CREB5: variants seen among roughly 807,000 people sequenced by gnomAD.
The protein encoded by CREB5 is cyclic AMP-responsive element-binding protein 5.
CREB5 carries 19 observed loss-of-function variants against 57.1 expected under a neutral mutation model. The observed-to-expected ratio is 0.33, with a 90% CI of 0.23 to 0.49. The LOEUF is 0.49. CREB5 is among the 20% of genes least tolerant of loss of function. The pLI is 0.99. For missense variants in CREB5, 579 were observed against 671.6 expected (o/e 0.86, Z 1.52); for synonymous variants, 238 against 238.3 (o/e 1.00, Z 0.01).
chr7:28,522,384 C>T (rs962994678), intron 4 of CREB5, among the ~76,000 whole-genome samples: 1 of 140,710 alleles, frequency 7.1e-6, no homozygotes, highest in East Asian at 2.1e-4. Context: ...CTATATCCTG[C>T]TCTTTGTTTT....
At chr7:28,628,505 A>G (rs1028234819) in intron 5 of CREB5, among the ~76,000 whole-genome samples, 2 of 152,126 alleles carry the variant, frequency 1.3e-5, no homozygotes, top group South Asian at 4.1e-4. Context: ...AGCCCAGGGG[A>G]CAAGACATAG....
At chr7:28,404,391 C>T (rs1787535439) in intron 1 of CREB5, among the ~76,000 whole-genome samples, 1 of 152,142 alleles carries the variant, frequency 6.6e-6, no homozygotes, top group Non-Finnish European at 1.5e-5. Context: ...AGCCTCACCT[C>T]TCCTCTCCCA....
chr7:28,773,424 C>G (rs1806445793), intron 7 of CREB5, among the ~76,000 whole-genome samples: 1 of 152,124 alleles, frequency 6.6e-6, no homozygotes, highest in African/African-American at 2.4e-5. Flanking sequence ...TTAATTAAAG[C>G]TTTTAATAAC....
intron 7 of CREB5, among the ~76,000 whole-genome samples, chr7:28,792,021 T>C (rs1201870041): frequency 6.6e-6 from 1 of 152,112 alleles, no homozygotes; most frequent in African/African-American, 2.4e-5. Context: ...ATGTGCCAAA[T>C]AGGATGGGTG....
At chr7:28,502,647 T>C (rs1223017377) in intron 3 of CREB5, among the ~76,000 whole-genome samples, 3 of 152,262 alleles carry the variant, frequency 2.0e-5, no homozygotes, top group African/African-American at 7.2e-5. Context: ...CTTTTTATAG[T>C]ATTTCTAGCC....
At chr7:28,665,661 A>G (rs1799796818) in intron 5 of CREB5, among the ~76,000 whole-genome samples, 1 of 152,170 alleles carries the variant, frequency 6.6e-6, no homozygotes, top group South Asian at 2.1e-4. Flanking sequence ...ATATAGGGGG[A>G]ACATGGCTTG....
In CREB5 at chr7:28,763,168, AT is replaced by A. The variant is rs535629818; in HGVS notation, c.702+38838del. On this transcript the variant is annotated intron_variant, in intron 7 of 10. Coordinates refer to ENST00000357727, the MANE Select transcript of CREB5 (RefSeq NM_182898.4). The stretch of plus-strand genomic sequence containing the variant: ...TCCTGTGAGTTTCTCCTGATTTTCT[AT>A]TCCACTCTTTCTTTAATATAAAAAC... Among the ~76,000 whole-genome samples, 566 of 152,268 alleles carry A rather than the reference AT, an allele frequency of 3.7e-3. 2 individuals are homozygous for A. Among genetic ancestry groups the A allele is most frequent in the Non-Finnish European group, 5.6e-3 (382 of 68,026 alleles).
At chr7:28,422,627 G>A (rs1788318184) in intron 1 of CREB5, among the ~76,000 whole-genome samples, 1 of 152,106 alleles carries the variant, frequency 6.6e-6, no homozygotes, top group Non-Finnish European at 1.5e-5. Context: ...ATGGTTATAT[G>A]GACACATAAA....
At chr7:28,643,531 C>T (rs1382936498) in intron 5 of CREB5, among the ~76,000 whole-genome samples, 3 of 152,142 alleles carry the variant, frequency 2.0e-5, no homozygotes, top group African/African-American at 2.4e-5. Flanking sequence ...TTAAATGGAA[C>T]TATGTGACCT....
chr7:28,434,808 A>T (rs1286504507), intron 1 of CREB5, among the ~76,000 whole-genome samples: 3 of 152,140 alleles, frequency 2.0e-5, no homozygotes, highest in African/African-American at 7.2e-5. Flanking sequence ...TTTATTGTGC[A>T]ATTCTAAGTT....
At chr7:28,348,442 A>G (rs1295148232) in intron 1 of CREB5, among the ~76,000 whole-genome samples, 2 of 144,226 alleles carry the variant, frequency 1.4e-5, no homozygotes, top group East Asian at 2.0e-4. Context: ...ACACACACAC[A>G]CAGACACCTT....
At chr7:28,682,017 C>A (rs1379156737) in intron 5 of CREB5, among the ~76,000 whole-genome samples, 1 of 152,216 alleles carries the variant, frequency 6.6e-6, no homozygotes, top group Non-Finnish European at 1.5e-5. Context: ...GATGCCTCCA[C>A]CATTATAAAT....
intron 1 of CREB5, among the ~76,000 whole-genome samples, chr7:28,459,385 CT>C (rs1790252408): frequency 6.6e-6 from 1 of 152,152 alleles, no homozygotes; most frequent in Non-Finnish European, 1.5e-5. Context: ...CAAAGGAACC[CT>C]TTTCCTTTTG....
chr7:28,401,803 G>A (rs897635239), intron 1 of CREB5, among the ~76,000 whole-genome samples: 1 of 152,134 alleles, frequency 6.6e-6, no homozygotes, highest in African/African-American at 2.4e-5. Flanking sequence ...TGTTAATCCA[G>A]TCTATCATTG....
intron 5 of CREB5, among the ~76,000 whole-genome samples, chr7:28,573,530 T>C (rs1795788275): frequency 6.6e-6 from 1 of 152,218 alleles, no homozygotes; most frequent in African/African-American, 2.4e-5. Flanking sequence ...TGTTCATGGC[T>C]GAGACTTTGT....
intron 4 of CREB5, among the ~76,000 whole-genome samples, chr7:28,530,197 A>G (rs1793660117): frequency 6.6e-6 from 1 of 152,168 alleles, no homozygotes; most frequent in African/African-American, 2.4e-5. Flanking sequence ...ATTGGTACAC[A>G]CTGTCACAGG....
intron 1 of CREB5, among the ~76,000 whole-genome samples, chr7:28,486,677 T>TATATATATATTTATAA (rs1791567132): frequency 7.6e-6 from 1 of 131,230 alleles, no homozygotes; most frequent in African/African-American, 2.8e-5. Flanking sequence ...ATTTTATATA[T>TATATATATATTTATAA]ATATATATAT....
chr7:28,474,352 G>A (rs1790968959), intron 1 of CREB5, among the ~76,000 whole-genome samples: 1 of 152,182 alleles, frequency 6.6e-6, no homozygotes, highest in South Asian at 2.1e-4. Flanking sequence ...TGCGAGATGG[G>A]AGTCTTGCTC....
intron 5 of CREB5, among the ~76,000 whole-genome samples, chr7:28,573,159 C>G (rs1483125659): frequency 1.3e-5 from 2 of 152,162 alleles, no homozygotes; most frequent in East Asian, 1.9e-4. Flanking sequence ...ACGGTTGACT[C>G]TTTTATTTCT....
Sources: gnomAD v4.1 joint callset for allele counts (sites outside exome capture counted in the v4.1 genomes callset) on GRCh38, gnomAD v4.1.1 for gene constraint, MANE v1.5 for transcripts, NCBI Gene and HGNC (gene_info 2026-07-23, HGNC 2026-07-21) for gene names.